The following TPSG1 variants were observed in gnomAD, a reference collection of about 807,000 sequenced individuals.
TPSG1 encodes the protein tryptase gamma 1, also known as tryptase gamma.
TPSG1 carries 43 observed loss-of-function variants against 23.8 expected under a neutral mutation model. The observed-to-expected ratio is 1.81, with a 90% CI of 1.42 to 2.33. The LOEUF is 2.33. Ranked by LOEUF, TPSG1 falls within the 30% of genes most tolerant of loss-of-function variation. The pLI is 0.00. For synonymous variants in TPSG1, 302 were observed against 201.3 expected (o/e 1.50, Z -4.23); for missense variants, 623 against 438.6 (o/e 1.42, Z -3.75).
At chr16:1,224,732 C>T in intron 1 of TPSG1, 104 bp from the exon 2 acceptor site, 3 of 1,482,494 alleles carry the variant, frequency 2.0e-6, no homozygotes, top group Non-Finnish European at 2.8e-6. Context: ...TGGGGTGGGG[C>T]CTGGTCCTGA....
chr16:1,223,885 A>C, intron 2 of TPSG1: 1 of 454,398 alleles, frequency 2.2e-6, no homozygotes, highest in Non-Finnish European at 3.9e-6. Flanking sequence ...GGCGGCTAGA[A>C]AGGGGCTCAG....
chr16:1,222,141 G>A (rs761482240), intron 5 of TPSG1, 45 bp from the exon 6 acceptor site: 2 of 1,611,954 alleles, frequency 1.2e-6, no homozygotes, highest in South Asian at 1.1e-5. Flanking sequence ...AAGATGGGGA[G>A]CCCCTCCCTG....
chr16:1,222,463 G>A, intron 4 of TPSG1, 122 bp from the exon 5 acceptor site: 1 of 1,236,894 alleles, frequency 8.1e-7, no homozygotes. Context: ...CACGTGGGTT[G>A]TGATCTGACG....
chr16:1,224,802 G>A, intron 1 of TPSG1, 174 bp from the exon 2 acceptor site: 1 of 775,768 alleles, frequency 1.3e-6, no homozygotes, highest in Non-Finnish European at 2.1e-6. Flanking sequence ...CCAGGGCTGG[G>A]TGGGACAAGC....
chr16:1,222,638 C>T lies in TPSG1; in HGVS notation c.511+14G>A, dbSNP rs779430994. 5.9e-6 allele frequency: 9 copies of T among 1,533,360 alleles called. No individual in the cohort carries two copies. The highest frequency in any genetic ancestry group is 1.9e-5 in the Admixed American group (1 of 51,920). 95.0% of individuals were successfully genotyped at this position (1,533,360 alleles called of 1,614,324 possible). A position where few individuals can be genotyped will look rare whatever the true frequency, so the allele number is the denominator to read the frequency against. ...GCCTTCCTCCATCCCAGCATCCCCACGGGGGCTCCTCACCTCCCTCCCGCG... is the reference window on the plus strand; with the variant it reads ...GCCTTCCTCCATCCCAGCATCCCCATGGGGGCTCCTCACCTCCCTCCCGCG... On this transcript the variant is annotated intron_variant, in intron 4 of 5. Coordinates refer to ENST00000234798, the MANE Select transcript of TPSG1 (RefSeq NM_012467.4).
rs768046953 is a variant in TPSG1 at position 1,222,280 on chromosome 16, G to A, written c.573C>T (p.Thr191=). ...EVKVSVVDTE[T]CRRDYPGPGG... is the part of the protein sequence containing the mutation. ...CGGGGCCGGGATAGTCCCGGCGGCA[G>A]GTCTCTGTGTCCACCACGGAGACTT... The change falls in exon 5 of 6, where the codon ACC becomes ACT. Residue 191 remains threonine (T), a synonymous_variant. Transcript: ENST00000234798. 3 of 1,611,794 alleles carry A rather than the reference G, an allele frequency of 1.9e-6. No individual in the cohort carries two copies. In the Admixed American group the frequency reaches 5.0e-5, roughly 27 times the overall value.
At position 1,222,750 on chromosome 16, in the gene TPSG1, G is replaced by A. The variant is rs113856625; in HGVS notation, c.413C>T (p.Ser138Phe). Residue 138 changes from serine to phenylalanine, a missense_variant, in exon 4 of 6, where the codon TCC becomes TTC. By Grantham distance (155) the Ser-to-Phe change is radical (BLOSUM62 -2). Coordinates refer to ENST00000234798, the MANE Select transcript of TPSG1 (RefSeq NM_012467.4). ...LVELSVPVTL[S>F]SRILPVCLPE... ...GAGGCAGACGGGCAGGATCCGGCTG[G>A]AGAGGGTCACGGGGACACTGAGCTC... 93,650 of 1,611,964 alleles carry A rather than the reference G, an allele frequency of 0.058. 3,176 individuals carry two copies. Among genetic ancestry groups the A allele is most frequent in the Middle Eastern group, 0.085 (496 of 5,814 alleles).
chr16:1,222,702 C>T lies in TPSG1; in HGVS notation c.461G>A (p.Cys154Tyr), dbSNP rs1206334872. 6.2e-7 allele frequency: 1 copy of T among 1,602,542 alleles called. No individual in the cohort carries two copies. ...VCLPEASDDF[C>Y]PGIRCWVTGW... is the part of the protein sequence containing the mutation. ...GGTCACCCAGCACCGGATCCCAGGG[C>T]AGAAGTCATCTGAGGCCTCCGGGAG... Residue 154 changes from cysteine to tyrosine, a missense_variant, in exon 4 of 6, where the codon TGC becomes TAC. Physicochemically the swap from Cys to Tyr is radical, Grantham distance 194. Coordinates refer to ENST00000234798, the MANE Select transcript of TPSG1 (RefSeq NM_012467.4).
At chr16:1,225,170 T>TGCCCCCCCATCCCC in intron 1 of TPSG1, 37 bp downstream of exon 1, 1 of 1,554,544 alleles carries the variant, frequency 6.4e-7, no homozygotes, top group Non-Finnish European at 8.7e-7. Context: ...AGGAAGCAGA[T>TGCCCCCCCATCCCC]GCCCCCCCAT....
Position 1,222,840 on chromosome 16 carries a change from C to T in TPSG1, c.323G>A (p.Arg108Lys), listed in dbSNP as rs144441299. The T allele has an allele frequency of 4.2e-5, 67 of 1,611,412 alleles. No homozygotes were observed. Among genetic ancestry groups the T allele is most frequent in the Non-Finnish European group, 5.4e-5 (64 of 1,179,542 alleles). The change falls in exon 4 of 6, where the codon AGG becomes AAG. Residue 108 changes from arginine (R) to lysine (K), a missense_variant. Transcript: ENST00000234798. ...GGGGCTGGAGTGCAGGATGATCTGC[C>T]TCACGGTGGAGAAGTGGGGAGACAG... ...ITLSPHFSTV[R>K]QIILHSSPSG...
chr16:1,223,023 C>T, intron 3 of TPSG1, 106 bp from the exon 4 acceptor site: 1 of 1,354,670 alleles, frequency 7.4e-7, no homozygotes, highest in Non-Finnish European at 9.9e-7. Context: ...CCCAGCTCTT[C>T]CCTCCTAGGC....
At position 1,223,526 on chromosome 16, in the gene TPSG1, C is replaced by A. The variant is rs777601225; in HGVS notation, c.142G>T (p.Ala48Ser). 3.2e-6 allele frequency: 5 copies of A among 1,552,064 alleles called. No homozygotes were observed. Among genetic ancestry groups the A allele is most frequent in the African/African-American group, 1.4e-5 (1 of 73,584 alleles). Reference sequence around the variant, plus strand: ...CGGAGGCTGGCCTGCCATGGCCATGCGCCGGCCGGGGCAGCGTGACCCCCC... The same window carrying A: ...CGGAGGCTGGCCTGCCATGGCCATGAGCCGGCCGGGGCAGCGTGACCCCCC... Reference protein sequence around the residue: ...IVGGHAAPAGAWPWQASLRLR... With the variant: ...IVGGHAAPAGSWPWQASLRLR... The change falls in exon 3 of 6, where the codon GCA (alanine) becomes TCA (serine). Residue 48 changes from alanine (A) to serine (S), a missense_variant. Transcript: ENST00000234798.
chr16:1,224,586 C>T lies in TPSG1; in HGVS notation c.73+16G>A, dbSNP rs376052664. The T allele has an allele frequency of 2.7e-5, 44 of 1,613,728 alleles. No individual in the cohort carries two copies. Among genetic ancestry groups the T allele is most frequent in the South Asian group, 3.3e-5 (3 of 91,090 alleles). ...CCTGCACCCTCCCCCACACCCCACA[C>T]CTGTCAGAGACGTACCTGGCTGCAA... On this transcript the variant is annotated intron_variant, in intron 2 of 5. Coordinates refer to ENST00000234798, the MANE Select transcript of TPSG1 (RefSeq NM_012467.4).
At chr16:1,223,663 C>T (rs1342167518) in intron 2 of TPSG1, 69 bp from the exon 3 acceptor site, 25 of 1,487,372 alleles carry the variant, frequency 1.7e-5, no homozygotes, top group Non-Finnish European at 2.2e-5. Context: ...TCCATGAAGC[C>T]TTCCCTGACC....
At chr16:1,224,773 C>T in intron 1 of TPSG1, 145 bp from the exon 2 acceptor site, 1 of 945,490 alleles carries the variant, frequency 1.1e-6, no homozygotes, top group Admixed American at 2.4e-5. Context: ...GAGGCTGGGT[C>T]AACTGCTGTC....
intron 1 of TPSG1, 122 bp downstream of exon 1, chr16:1,225,085 C>G (rs1261733044): frequency 2.3e-6 from 3 of 1,287,394 alleles, no homozygotes; most frequent in Non-Finnish European, 3.2e-6. Context: ...GACACGGGGC[C>G]CCACAGGGTG....
intron 1 of TPSG1, chr16:1,224,841 G>A (rs1016388025): frequency 1.4e-5 from 9 of 633,566 alleles, no homozygotes; most frequent in Middle Eastern, 4.3e-4. Context: ...GCTGGAGGCC[G>A]GGAGCTTGGC....
At chr16:1,223,778 G>A (rs1596487516) in intron 2 of TPSG1, 184 bp from the exon 3 acceptor site, 3 of 670,556 alleles carry the variant, frequency 4.5e-6, no homozygotes, top group East Asian at 6.4e-5. Flanking sequence ...CAGGAGCAGT[G>A]AGCGCGCCTG....
rs1596488245 is a variant in TPSG1 at position 1,224,768 on chromosome 16, T to A, written c.47-140A>T. 3.0e-6 allele frequency: 3 copies of A among 1,006,206 alleles called. No homozygotes were observed. In the East Asian group the frequency reaches 7.8e-5, roughly 26 times the overall value. 62.3% of individuals were successfully genotyped at this position (1,006,206 alleles called of 1,614,324 possible). On this transcript the variant is annotated intron_variant, in intron 1 of 5. Transcript: ENST00000234798. ...GCAGAGGGGCCCGGCCTGGTGAGGCTGGGTCAACTGCTGTCTCACTGGCCC... is the reference window on the plus strand; with the variant it reads ...GCAGAGGGGCCCGGCCTGGTGAGGCAGGGTCAACTGCTGTCTCACTGGCCC...
Sources: gnomAD v4.1 joint callset for allele counts on GRCh38, gnomAD v4.1.1 for gene constraint, MANE v1.5 for transcripts, NCBI Gene and HGNC (gene_info 2026-07-23, HGNC 2026-07-21) for gene names.